Variants in TPR observed in about 807,000 individuals in gnomAD.
The protein encoded by TPR is nucleoprotein TPR.
In TPR, 51 loss-of-function variants were observed where a neutral mutation model predicts 316.1. The ratio of observed to expected loss-of-function variants is 0.16; its 90% confidence interval spans 0.13 to 0.20. The LOEUF (loss-of-function observed/expected upper bound fraction) is 0.20, where lower values mean the gene tolerates loss of function less well. Among genes scored for constraint, TPR ranks in the 10% least tolerant of loss-of-function variants. The pLI, the probability that TPR is intolerant of heterozygous loss-of-function variation, is 1.00. For missense variants in TPR, 2,272 were observed against 2,754.8 expected (o/e 0.82, Z 3.92); for synonymous variants, 981 against 914.7 (o/e 1.07, Z -1.31).
At position 186,323,844 on chromosome 1, in the gene TPR, A is replaced by T. The variant is rs1182433093; in HGVS notation, c.6139T>A (p.Ser2047Thr). ...SGEGNTGAAE[S>T]SFSQEVSREQ... ...CTAGAAACCTCCTGAGAAAAAGAAG[A>T]TTCTGCAGCACCTGTATTTCCTTCA... The change falls in exon 43 of 51, where the codon TCT (serine) becomes ACT (threonine). Residue 2047 changes from serine to threonine, a missense_variant. Ser to Thr is a moderately conservative substitution (Grantham distance 58). Transcript: ENST00000367478. 8.4e-6 allele frequency: 13 copies of T among 1,548,946 alleles called. No homozygotes were observed. In the South Asian group the frequency reaches 1.6e-4, roughly 19 times the overall value.
rs370371749 is a variant in TPR at position 186,366,422 on chromosome 1, G to A, written c.427+1464C>T. Among the ~76,000 whole-genome samples the A allele has an allele frequency of 2.2e-4, 34 of 152,200 alleles. No homozygotes were observed. In the East Asian group the frequency reaches 3.7e-3, roughly 16 times the overall value. On this transcript the variant is annotated intron_variant, in intron 4 of 50. Transcript: ENST00000367478. The stretch of plus-strand genomic sequence containing the variant: ...ATATAATACAGATCACAGACAAAAC[G>A]TATGACAATCTACTGTGTATGTTAT...
In TPR at chr1:186,352,130, A is replaced by G. The variant is rs764168140; in HGVS notation, c.2335-20T>C. 11 of 1,572,048 alleles carry G rather than the reference A, an allele frequency of 7.0e-6. No individual in the cohort carries two copies. The highest frequency in any genetic ancestry group is 9.4e-6 in the Non-Finnish European group (11 of 1,165,278). ...TCTTACCTAAACATAAGTAGAAATG[A>G]AATAAAAAATGCTGAAAAACATGGT... is the stretch of plus-strand genomic sequence containing the variant. On this transcript the variant is annotated intron_variant, in intron 18 of 50. Coordinates refer to ENST00000367478, the MANE Select transcript of TPR (RefSeq NM_003292.3).
Position 186,313,338 on chromosome 1 carries a change from T to A in TPR, c.*633A>T, listed in dbSNP as rs1317572108. ...GCCCAGAAATCTAAGTTATTCTGCC[T>A]GTAATTTCATAATATGAATGACATT... On this transcript the variant is annotated 3_prime_UTR_variant, in exon 51 of 51. Transcript: ENST00000367478. 6.3e-6 allele frequency: 2 copies of A among 318,556 alleles called. No individual in the cohort carries two copies. The highest frequency in any genetic ancestry group is 1.2e-5 in the Non-Finnish European group (2 of 170,650). The allele number at this position is 318,556 out of a possible 1,614,324, so 19.7% of individuals were successfully genotyped here.
intron 12 of TPR, 100 bp downstream of exon 12, chr1:186,359,699 T>C: frequency 8.3e-7 from 1 of 1,202,606 alleles, no homozygotes; most frequent in Non-Finnish European, 1.1e-6. Context: ...AAATCGTATT[T>C]AGATTTTTCT....
Position 186,357,428 on chromosome 1 carries a change from C to G in TPR, c.1693G>C (p.Glu565Gln). The change falls in exon 14 of 51, where the codon GAA becomes CAA. Residue 565 changes from glutamate to glutamine, a missense_variant. Glu to Gln is a conservative substitution (Grantham distance 29). Coordinates refer to ENST00000367478, the MANE Select transcript of TPR (RefSeq NM_003292.3). ...GAAGTTGTTTCTTGTTCTTCTCTTT[C>G]TCTGGTTTCCCCAAGCTCTCTAAGG... ...VALRELGETR[E>Q]REEQETTSSK... 2 of 1,613,918 alleles carry G rather than the reference C, an allele frequency of 1.2e-6. No homozygotes were observed. The highest frequency in any genetic ancestry group is 1.7e-6 in the Non-Finnish European group (2 of 1,179,992).
intron 14 of TPR, 110 bp from the exon 15 acceptor site, chr1:186,356,559 GTC>G (rs1659034986): frequency 2.8e-6 from 3 of 1,060,008 alleles, no homozygotes; most frequent in South Asian, 4.1e-5. Flanking sequence ...TACCATTTTT[GTC>G]TCTCTCATTA....
intron 12 of TPR, among the ~76,000 whole-genome samples, chr1:186,359,112 CAAT>C (rs1401764367): frequency 6.6e-6 from 1 of 152,062 alleles, no homozygotes; most frequent in East Asian, 1.9e-4. Flanking sequence ...AAAAGGGAAA[CAAT>C]TTATCAGTTT....
chr1:186,354,534 T>C (rs1010624912), intron 17 of TPR, among the ~76,000 whole-genome samples: 1 of 152,172 alleles, frequency 6.6e-6, no homozygotes, highest in Non-Finnish European at 1.5e-5. Flanking sequence ...TGCTGAACTA[T>C]TAGATGTATA....
At chr1:186,341,938 T>C (rs1051957898) in intron 27 of TPR, 16 of 152,846 alleles carry the variant, frequency 1.0e-4, no homozygotes, top group African/African-American at 3.6e-4. Flanking sequence ...TGCTACACTG[T>C]TCATGCTTAG....
intron 46 of TPR, among the ~76,000 whole-genome samples, chr1:186,319,628 T>G (rs1657714600): frequency 6.6e-6 from 1 of 152,168 alleles, no homozygotes; most frequent in South Asian, 2.1e-4. Context: ...AACAAGCAGA[T>G]GTTACATTAC....
At chr1:186,324,686 A>T (rs927517315) in intron 42 of TPR, among the ~76,000 whole-genome samples, 6 of 152,354 alleles carry the variant, frequency 3.9e-5, no homozygotes, top group Admixed American at 3.9e-4. Context: ...TACAAGAATT[A>T]AACAATTCAA....
chr1:186,361,627 C>A lies in TPR; in HGVS notation c.953G>T (p.Gly318Val). ...CCATAACTGAAAACACTTACCTTCACCAGCTTCTTTCAAAAGTTTGTGTAG... is the reference window on the plus strand; with the variant it reads ...CCATAACTGAAAACACTTACCTTCAACAGCTTCTTTCAAAAGTTTGTGTAG... ...EELHKLLKEA[G>V]EANKAIQDHL... Residue 318 changes from glycine (G) to valine (V), a missense_variant, in exon 9 of 51, where the codon GGT becomes GTT. Coordinates refer to ENST00000367478, the MANE Select transcript of TPR (RefSeq NM_003292.3). The A allele has an allele frequency of 6.2e-7, 1 of 1,613,060 alleles. No homozygotes were observed. Among genetic ancestry groups the A allele is most frequent in the Admixed American group, 1.7e-5 (1 of 59,962 alleles).
At chr1:186,358,235 GTTAAC>G (rs974537797) in intron 13 of TPR, among the ~76,000 whole-genome samples, 4 of 152,134 alleles carry the variant, frequency 2.6e-5, no homozygotes, top group African/African-American at 7.2e-5. Context: ...ACAACTGTCT[GTTAAC>G]TTAGCTACAC....
rs189828797 is a variant in TPR, at chr1:186,361,750, G to A, written c.870+39C>T. The A allele has an allele frequency of 8.9e-5, 144 of 1,612,796 alleles. No individual in the cohort carries two copies. In the African/African-American group the frequency reaches 1.6e-3, roughly 18 times the overall value. On this transcript the variant is annotated intron_variant, in intron 8 of 50. Transcript: ENST00000367478. Reference sequence around the variant, plus strand: ...AAAAAGTTACCTAACAGTCAACAATGCAACATTTAGATACTAACATGTGTG... The same window carrying A: ...AAAAAGTTACCTAACAGTCAACAATACAACATTTAGATACTAACATGTGTG...
chr1:186,349,134 C>T (rs535895961), intron 21 of TPR, among the ~76,000 whole-genome samples: 1 of 152,128 alleles, frequency 6.6e-6, no homozygotes, highest in African/African-American at 2.4e-5. Context: ...GCCTAGACTA[C>T]CTTAAATGTG....
chr1:186,365,300 T>G (rs1401365016), intron 4 of TPR, among the ~76,000 whole-genome samples: 1 of 152,082 alleles, frequency 6.6e-6, no homozygotes, highest in African/African-American at 2.4e-5. Flanking sequence ...TCTGCCATGT[T>G]GACCAGGCTA....
rs185357076 is a variant in TPR, at chr1:186,343,488, A to T, written c.3603-15T>A. 1.3e-6 allele frequency: 2 copies of T among 1,594,682 alleles called. No individual in the cohort carries two copies. The highest frequency in any genetic ancestry group is 1.7e-4 in the Middle Eastern group (1 of 5,968). Reference sequence around the variant, plus strand: ...GTCGTATAAATCTACAAAAATACAGATATTAAAATTTTATGTGAATTTTAA... The same window carrying T: ...GTCGTATAAATCTACAAAAATACAGTTATTAAAATTTTATGTGAATTTTAA... On this transcript the variant is annotated splice_polypyrimidine_tract_variant and intron_variant, in intron 26 of 50. Coordinates refer to ENST00000367478, the MANE Select transcript of TPR (RefSeq NM_003292.3).
chr1:186,347,336 C>T lies in TPR; in HGVS notation c.2899G>A (p.Ala967Thr). 6.2e-7 allele frequency: 1 copy of T among 1,613,962 alleles called. No homozygotes were observed. Among genetic ancestry groups the T allele is most frequent in the Non-Finnish European group, 8.5e-7 (1 of 1,179,952 alleles). ...GATTCTTCTAAACTAGTAACCATTG[C>T]TTGATATTGTTCCACATTGCTCGTA... is the stretch of plus-strand genomic sequence containing the variant. The part of the protein sequence containing the change: ...TSTSNVEQYQ[A>T]MVTSLEESLN... The change falls in exon 22 of 51, where the codon GCA (alanine) becomes ACA (threonine). Residue 967 changes from alanine (A) to threonine (T), a missense_variant. Coordinates refer to ENST00000367478, the MANE Select transcript of TPR (RefSeq NM_003292.3).
At chr1:186,372,413 A>C (rs1391858873) in intron 2 of TPR, among the ~76,000 whole-genome samples, 1 of 152,102 alleles carries the variant, frequency 6.6e-6, no homozygotes, top group African/African-American at 2.4e-5. Context: ...CTGGTGGTAC[A>C]TGCCTGTAAT....
Sources: gnomAD v4.1 joint callset for allele counts (sites outside exome capture counted in the v4.1 genomes callset) on GRCh38, gnomAD v4.1.1 for gene constraint, MANE v1.5 for transcripts, NCBI Gene and HGNC (gene_info 2026-07-23, HGNC 2026-07-21) for gene names.